Variants in SGMS1 observed in about 807,000 individuals in gnomAD.
The protein encoded by SGMS1 is phosphatidylcholine:ceramide cholinephosphotransferase 1.
Under a neutral mutation model 46.2 loss-of-function variants are expected in SGMS1, and 13 were observed. That is an observed-to-expected ratio of 0.28 (90% CI 0.18 to 0.45). SGMS1 has a LOEUF of 0.45. SGMS1 is among the 20% of genes least tolerant of loss of function. SGMS1 has a pLI of 1.00. For missense variants in SGMS1, 324 were observed against 519.9 expected (o/e 0.62, Z 3.66); for synonymous variants, 203 against 187.8 (o/e 1.08, Z -0.66).
At chr10:50,488,987 A>G (rs770762386) in intron 3 of SGMS1, among the ~76,000 whole-genome samples, 1 of 152,192 alleles carries the variant, frequency 6.6e-6, no homozygotes, top group Non-Finnish European at 1.5e-5. Context: ...TCATTTGGTG[A>G]TCTTCCCTGA....
intron 6 of SGMS1, among the ~76,000 whole-genome samples, chr10:50,367,438 G>A (rs1017081592): frequency 4.7e-4 from 71 of 152,138 alleles, no homozygotes; most frequent in African/African-American, 1.7e-3. Flanking sequence ...AATTCATGGC[G>A]CTTAAATGTA....
At chr10:50,394,610 A>C (rs1165276520) in intron 6 of SGMS1, among the ~76,000 whole-genome samples, 1 of 152,266 alleles carries the variant, frequency 6.6e-6, no homozygotes, top group Non-Finnish European at 1.5e-5. Flanking sequence ...AATGGAAATC[A>C]AAATAAATCT....
At chr10:50,441,240 G>A (rs1849543163) in intron 5 of SGMS1, among the ~76,000 whole-genome samples, 1 of 152,184 alleles carries the variant, frequency 6.6e-6, no homozygotes, top group Admixed American at 6.5e-5. Context: ...TGGGAGAAAG[G>A]CTACCCTGCT....
chr10:50,569,620 T>G (rs1209390678), intron 2 of SGMS1, among the ~76,000 whole-genome samples: 5 of 152,172 alleles, frequency 3.3e-5, no homozygotes, highest in African/African-American at 1.2e-4. Context: ...GTAGATTTCT[T>G]ATCAGAAAAC....
chr10:50,529,362 G>T (rs568320740), intron 2 of SGMS1, among the ~76,000 whole-genome samples: 6 of 152,254 alleles, frequency 3.9e-5, no homozygotes, highest in African/African-American at 1.4e-4. Flanking sequence ...CCATATTTTG[G>T]AGACCACTGT....
intron 8 of SGMS1, 135 bp downstream of exon 8, chr10:50,327,070 A>G (rs1847544035): frequency 1.8e-6 from 1 of 564,810 alleles, no homozygotes; most frequent in Admixed American, 3.2e-5. Context: ...TGGCCATATC[A>G]TTTAGTAACA....
intron 6 of SGMS1, among the ~76,000 whole-genome samples, chr10:50,385,939 A>G (rs1346854396): frequency 6.6e-6 from 1 of 152,054 alleles, no homozygotes; most frequent in Middle Eastern, 3.2e-3. Context: ...TAAAACTACT[A>G]TCCTCTGCTT....
chr10:50,528,982 C>T (rs995260760), intron 2 of SGMS1, among the ~76,000 whole-genome samples: 17 of 152,152 alleles, frequency 1.1e-4, no homozygotes, highest in African/African-American at 4.1e-4. Context: ...GGGCAATTTA[C>T]AAATTGCTAT....
chr10:50,446,973 T>C (rs1409438355), intron 5 of SGMS1, among the ~76,000 whole-genome samples: 1 of 152,242 alleles, frequency 6.6e-6, no homozygotes, highest in African/African-American at 2.4e-5. Flanking sequence ...ATAGAAGGTG[T>C]GTGTGTTTAA....
intron 6 of SGMS1, among the ~76,000 whole-genome samples, chr10:50,355,453 T>C (rs1420110241): frequency 6.6e-6 from 1 of 152,198 alleles, no homozygotes; most frequent in Admixed American, 6.5e-5. Context: ...TTTCGTGTTT[T>C]TGGTGGAGAC....
At position 50,578,508 on chromosome 10, in the gene SGMS1, A is replaced by C. The variant is rs563682167; in HGVS notation, c.-589+11645T>G. 2.8e-4 allele frequency among the ~76,000 whole-genome samples: 43 copies of C among 152,308 alleles called. No homozygotes were observed. In the South Asian group the frequency reaches 7.3e-3, roughly 26 times the overall value. On this transcript the variant is annotated intron_variant, in intron 2 of 10. Transcript: ENST00000361781. ...TCATTTATAAATTTATTGGTATTTT[A>C]ACACCTGAAATAAAAGCTCTTAGCT...
At chr10:50,402,903 A>G (rs942023002) in intron 6 of SGMS1, among the ~76,000 whole-genome samples, 4 of 152,016 alleles carry the variant, frequency 2.6e-5, no homozygotes, top group African/African-American at 9.7e-5. Flanking sequence ...TGAGTCTCCA[A>G]TGTCCATTAT....
intron 2 of SGMS1, among the ~76,000 whole-genome samples, chr10:50,557,446 C>T (rs1447250730): frequency 6.6e-6 from 1 of 151,812 alleles, no homozygotes; most frequent in East Asian, 1.9e-4. Context: ...GAATAAAGAT[C>T]TAGTACTGCC....
At chr10:50,320,612 G>C (rs191069250) in intron 8 of SGMS1, among the ~76,000 whole-genome samples, 2 of 152,208 alleles carry the variant, frequency 1.3e-5, no homozygotes, top group East Asian at 3.9e-4. Flanking sequence ...GGGTGTCAAG[G>C]CCCTTTAAAA....
chr10:50,439,075 T>G (rs575857145), intron 5 of SGMS1, among the ~76,000 whole-genome samples: 5 of 152,176 alleles, frequency 3.3e-5, no homozygotes, highest in Non-Finnish European at 7.3e-5. Flanking sequence ...ACTTAAACAC[T>G]GAATAAAACA....
At position 50,490,176 on chromosome 10, in the gene SGMS1, CAG is replaced by C. The variant is rs988433518; in HGVS notation, c.-497-23246_-497-23245del. Among the ~76,000 whole-genome samples the C allele has an allele frequency of 5.3e-5, 8 of 152,192 alleles. No individual in the cohort carries two copies. In the Middle Eastern group the frequency reaches 0.01, roughly 194 times the overall value. ...AGAAAGTGAGTTTTAATCTACTAAA[CAG>C]GGAGTTGGATGAAATGCTACTCTTA... On this transcript the variant is annotated intron_variant, in intron 3 of 10. Coordinates refer to ENST00000361781, the MANE Select transcript of SGMS1 (RefSeq NM_147156.4).
intron 5 of SGMS1, among the ~76,000 whole-genome samples, chr10:50,443,946 A>G (rs942406368): frequency 2.0e-5 from 3 of 152,102 alleles, no homozygotes; most frequent in Non-Finnish European, 2.9e-5. Context: ...TTCAAGGAAA[A>G]TTTTTTACTA....
chr10:50,370,839 C>T (rs1848424560), intron 6 of SGMS1, among the ~76,000 whole-genome samples: 1 of 152,036 alleles, frequency 6.6e-6, no homozygotes, highest in Non-Finnish European at 1.5e-5. Context: ...ACATCTTGTC[C>T]CACCAGAAGG....
intron 8 of SGMS1, among the ~76,000 whole-genome samples, chr10:50,326,993 C>CAACACACAAACTAG (rs1263734638): frequency 1.8e-5 from 1 of 55,050 alleles, no homozygotes; most frequent in Non-Finnish European, 3.1e-5. Context: ...TAACTGCTTC[C>CAACACACAAACTAG]AACACACATT....
Sources: allele counts gnomAD v4.1 joint callset (sites outside exome capture counted in the v4.1 genomes callset), GRCh38; gene constraint gnomAD v4.1.1; transcripts MANE v1.5; gene names NCBI Gene and HGNC (gene_info 2026-07-23, HGNC 2026-07-21).